TGM7: variants seen among roughly 807,000 people sequenced by gnomAD.
The protein encoded by TGM7 is transglutaminase 7.
In TGM7, 74 loss-of-function variants were observed where a neutral mutation model predicts 79.5. The ratio of observed to expected loss-of-function variants is 0.93; its 90% confidence interval spans 0.77 to 1.13. The LOEUF (loss-of-function observed/expected upper bound fraction) is 1.13, where lower values mean the gene tolerates loss of function less well. Ranked by LOEUF, TGM7 falls within the 50% of genes most tolerant of loss-of-function variation. TGM7 has a pLI of 0.00. For missense variants in TGM7, 912 were observed against 905.9 expected, an observed-to-expected ratio of 1.01 and a Z score of -0.09; for synonymous variants, 354 against 362.5, an observed-to-expected ratio of 0.98 and a Z score of 0.27.
intron 1 of TGM7, among the ~76,000 whole-genome samples, chr15:43,300,882 C>T (rs1434501567): frequency 6.6e-6 from 1 of 152,224 alleles, no homozygotes; most frequent in South Asian, 2.1e-4. Context: ...ATATGCTAAA[C>T]TCTAGCACTA....
At chr15:43,300,528 G>A (rs559660285) in intron 1 of TGM7, among the ~76,000 whole-genome samples, 5 of 152,310 alleles carry the variant, frequency 3.3e-5, no homozygotes, top group East Asian at 1.9e-4. Flanking sequence ...AAGGCCGGGC[G>A]CGGTGGCTCA....
At position 43,279,983 on chromosome 15, in the gene TGM7, T is replaced by C. The variant is rs1380458563; in HGVS notation, c.1352-32A>G. The C allele has an allele frequency of 6.3e-6, 10 of 1,594,060 alleles. No individual in the cohort carries two copies. In the South Asian group the frequency reaches 6.8e-5, roughly 11 times the overall value. ...AAGGGAGAGGTAGGAGAGACATGCA[T>C]GGGGAGGGGTGGAGAGGACCAGTGA... On this transcript the variant is annotated intron_variant, in intron 9 of 12. Transcript: ENST00000452443.
chr15:43,293,840 T>G (rs1280784682), intron 1 of TGM7, among the ~76,000 whole-genome samples: 2 of 21,042 alleles, frequency 9.5e-5, no homozygotes, highest in Non-Finnish European at 1.6e-4. Flanking sequence ...GAGGGTGGGG[T>G]GTGCGGGGGG....
intron 11 of TGM7, among the ~76,000 whole-genome samples, chr15:43,278,602 C>T (rs764132529): frequency 4.6e-5 from 7 of 152,176 alleles, no homozygotes; most frequent in Non-Finnish European, 1.0e-4. Flanking sequence ...AGGCATGCAC[C>T]ACCACACCAG....
chr15:43,280,013 C>T, intron 9 of TGM7, 62 bp from the exon 10 acceptor site: 3 of 1,513,678 alleles, frequency 2.0e-6, no homozygotes, highest in Non-Finnish European at 2.7e-6. Flanking sequence ...CAGTGACTTT[C>T]CTGGGGCAAC....
chr15:43,285,485 G>A (rs2042930824), intron 6 of TGM7, among the ~76,000 whole-genome samples: 1 of 152,062 alleles, frequency 6.6e-6, no homozygotes, highest in African/African-American at 2.4e-5. Context: ...AGGTTTGAGG[G>A]TACACATGAA....
chr15:43,286,297 GA>G (rs2042935382), intron 6 of TGM7, among the ~76,000 whole-genome samples: 1 of 152,162 alleles, frequency 6.6e-6, no homozygotes, highest in African/African-American at 2.4e-5. Context: ...GAGAGGCTTG[GA>G]AATGGAGCAG....
intron 1 of TGM7, among the ~76,000 whole-genome samples, chr15:43,299,166 T>C (rs2043014552): frequency 6.6e-6 from 1 of 152,248 alleles, no homozygotes; most frequent in Non-Finnish European, 1.5e-5. Flanking sequence ...TTTGAACATG[T>C]ATTCCTTTTG....
intron 1 of TGM7, among the ~76,000 whole-genome samples, chr15:43,301,441 C>T (rs2142426447): frequency 6.6e-6 from 1 of 151,520 alleles, no homozygotes; most frequent in East Asian, 2.0e-4. Context: ...ACCAGCCTGG[C>T]CAACATGGCG....
intron 11 of TGM7, 89 bp from the exon 12 acceptor site, chr15:43,277,084 A>G: frequency 6.6e-7 from 1 of 1,524,886 alleles, no homozygotes; most frequent in Non-Finnish European, 8.8e-7. Context: ...GTCCCTGGCG[A>G]CCACCAGGAA....
chr15:43,297,938 T>C (rs1405454943), intron 1 of TGM7, among the ~76,000 whole-genome samples: 1 of 152,260 alleles, frequency 6.6e-6, no homozygotes, highest in Non-Finnish European at 1.5e-5. Context: ...CATCTTCAAA[T>C]GCAGATTCCC....
At chr15:43,292,138 C>A in intron 3 of TGM7, 41 bp from the exon 4 acceptor site, 8 of 1,358,892 alleles carry the variant, frequency 5.9e-6, no homozygotes, top group Admixed American at 3.7e-5. Context: ...AACCCCAAAC[C>A]AAAAAAACAG....
At chr15:43,286,644 T>C (rs2042936961) in intron 6 of TGM7, among the ~76,000 whole-genome samples, 2 of 152,200 alleles carry the variant, frequency 1.3e-5, no homozygotes, top group African/African-American at 4.8e-5. Context: ...CAGCAAATGT[T>C]CATCGAGCTC....
At chr15:43,300,185 T>G (rs2043019034) in intron 1 of TGM7, among the ~76,000 whole-genome samples, 1 of 152,256 alleles carries the variant, frequency 6.6e-6, no homozygotes, top group African/African-American at 2.4e-5. Flanking sequence ...ACATAGGGGA[T>G]GTTTGCACTT....
intron 4 of TGM7, among the ~76,000 whole-genome samples, chr15:43,290,203 A>C (rs1292636264): frequency 6.6e-6 from 1 of 152,180 alleles, no homozygotes; most frequent in Non-Finnish European, 1.5e-5. Flanking sequence ...TTCAGGTCTA[A>C]CATTTAAGTC....
intron 1 of TGM7, among the ~76,000 whole-genome samples, chr15:43,300,141 A>T (rs549222169): frequency 6.6e-6 from 1 of 152,030 alleles, no homozygotes; most frequent in East Asian, 1.9e-4. Flanking sequence ...CCCAGCAGCC[A>T]CTCCTCCACA....
intron 4 of TGM7, among the ~76,000 whole-genome samples, chr15:43,288,497 C>CTT (rs549174189): frequency 6.7e-6 from 1 of 149,158 alleles, no homozygotes; most frequent in Admixed American, 6.7e-5. Flanking sequence ...AATTACTATT[C>CTT]TTTTTTTTTT....
At chr15:43,278,988 A>G (rs767298010) in intron 11 of TGM7, 129 bp downstream of exon 11, 1 of 1,021,420 alleles carries the variant, frequency 9.8e-7, no homozygotes, top group Non-Finnish European at 1.4e-6. Flanking sequence ...GCACTAGACC[A>G]CACCATACTG....
At chr15:43,297,621 G>GAAAGAAAGAAAGAAAGAAAGAAAGAA (rs2043005424) in intron 1 of TGM7, among the ~76,000 whole-genome samples, 1 of 151,146 alleles carries the variant, frequency 6.6e-6, no homozygotes, top group African/African-American at 2.4e-5. Flanking sequence ...AAGAAAGAAA[G>GAAAGAAAGAAAGAAAGAAAGAAAGAA]AAAGAAAGAA....
Sources: allele counts gnomAD v4.1 joint callset (sites outside exome capture counted in the v4.1 genomes callset), GRCh38; gene constraint gnomAD v4.1.1; transcripts MANE v1.5; gene names NCBI Gene and HGNC (gene_info 2026-07-23, HGNC 2026-07-21).